The following DPH6 variants were observed in gnomAD, a reference collection of about 807,000 sequenced individuals.
DPH6 encodes the protein diphthine--ammonia ligase.
In DPH6, 33 loss-of-function variants were observed where a neutral mutation model predicts 38.2. The observed-to-expected ratio is 0.86, with a 90% CI of 0.65 to 1.15. The LOEUF (loss-of-function observed/expected upper bound fraction) is 1.15, where lower values mean the gene tolerates loss of function less well. Among genes scored for constraint, DPH6 ranks in the 50% most tolerant of loss-of-function variants. The pLI, the probability that DPH6 is intolerant of heterozygous loss-of-function variation, is 0.00. For synonymous variants in DPH6, 108 were observed against 103.0 expected (o/e 1.05, Z -0.30); for missense variants, 325 against 320.0 (o/e 1.02, Z -0.12).
At position 35,497,262 on chromosome 15, in the gene DPH6, T is replaced by C. The variant is rs190644470; in HGVS notation, c.312+41012A>G. On this transcript the variant is annotated intron_variant, in intron 3 of 8. Coordinates refer to ENST00000256538, the MANE Select transcript of DPH6 (RefSeq NM_080650.4). The stretch of plus-strand genomic sequence containing the variant: ...GTCATTGGGCCTGTCAAACAATAAG[T>C]AGTCAACAAATATTTGTTAAATAAA... 8.1e-4 allele frequency among the ~76,000 whole-genome samples: 123 copies of C among 152,290 alleles called. 1 individual carries two copies. The highest frequency in any genetic ancestry group is 2.8e-3 in the African/African-American group (115 of 41,568).
chr15:35,472,589 T>G (rs1001534831), intron 3 of DPH6, among the ~76,000 whole-genome samples: 7 of 151,766 alleles, frequency 4.6e-5, no homozygotes, highest in Non-Finnish European at 8.8e-5. Flanking sequence ...GGGCTAACAA[T>G]GAGTATGAAG....
intron 5 of DPH6, among the ~76,000 whole-genome samples, chr15:35,427,656 T>C (rs770193057): frequency 3.3e-5 from 5 of 151,748 alleles, no homozygotes; most frequent in Non-Finnish European, 5.9e-5. Context: ...CTATTAAACT[T>C]ATCTGGAAAT....
rs111360154 is a variant in DPH6 at position 35,454,827 on chromosome 15, A to T, written c.313-7T>A. 4.2e-5 allele frequency: 67 copies of T among 1,590,636 alleles called. No individual in the cohort carries two copies. The Middle Eastern group carries it at 8.4e-4, about 20-fold the overall frequency. ...CCTCTACTTCTTCTTTTTCCTGAAA[A>T]TAAAGAAAAAAACCATAACTTTAAA... is the stretch of plus-strand genomic sequence containing the variant. On this transcript the variant is annotated splice_polypyrimidine_tract_variant and splice_region_variant and intron_variant, in intron 3 of 8. Transcript: ENST00000256538.
chr15:35,243,047 CTCTCTAATTAGATG>C (rs1308641396), intron 3 of DPH6, among the ~76,000 whole-genome samples: 2 of 142,620 alleles, frequency 1.4e-5, no homozygotes, highest in Non-Finnish European at 3.1e-5. Flanking sequence ...TCCGTAGGCA[CTCTCTAATTAGATG>C]TCCTAGGTCC....
chr15:35,164,617 T>C, the DPH6 span, among the ~76,000 whole-genome samples: 1 of 151,900 alleles, frequency 6.6e-6, no homozygotes, highest in Admixed American at 6.6e-5. Context: ...TATAATAATA[T>C]AGCGTTTCTG....
At chr15:35,177,612 C>G in the DPH6 span, among the ~76,000 whole-genome samples, 1 of 140,646 alleles carries the variant, frequency 7.1e-6, no homozygotes, top group Admixed American at 7.5e-5. Context: ...TCATCATCAT[C>G]ATCATCATCA....
chr15:35,450,582 T>C, intron 5 of DPH6, 103 bp downstream of exon 5: 1 of 956,432 alleles, frequency 1.0e-6, no homozygotes, highest in Non-Finnish European at 1.6e-6. Context: ...CTCCACATTT[T>C]TATATTCTAA....
At position 35,242,798 on chromosome 15, in the gene DPH6, A is replaced by G. The variant is rs1181446511; in HGVS notation, n.201-22216T>C. On this transcript the variant is annotated intron_variant and non_coding_transcript_variant, in intron 3 of 3. Coordinates refer to the DPH6 transcript ENST00000560386. ...TTATTAGGCCCCAGTCTCATTCCAGACACCAGACCAACTTCGACTGTGCCC... is the reference window on the plus strand; with the variant it reads ...TTATTAGGCCCCAGTCTCATTCCAGGCACCAGACCAACTTCGACTGTGCCC... 2.1e-5 allele frequency among the ~76,000 whole-genome samples: 3 copies of G among 141,894 alleles called. 1 individual carries two copies. The Admixed American group carries it at 2.3e-4, about 11-fold the overall frequency. 93.1% of individuals were successfully genotyped at this position (141,894 alleles called of 152,430 possible).
intron 2 of DPH6, 123 bp from the exon 3 acceptor site, chr15:35,538,590 T>C: frequency 5.1e-6 from 4 of 779,812 alleles, no homozygotes; most frequent in East Asian, 2.8e-5. Context: ...CTATACTATG[T>C]TTCTCTGCAT....
At chr15:35,307,895 G>C (rs537705816) in intron 3 of DPH6, among the ~76,000 whole-genome samples, 2 of 152,244 alleles carry the variant, frequency 1.3e-5, no homozygotes, top group South Asian at 4.1e-4. Context: ...AAAATATATA[G>C]ATATGTGAAC....
the DPH6 span, among the ~76,000 whole-genome samples, chr15:35,200,842 A>G: frequency 1.3e-5 from 2 of 151,850 alleles, no homozygotes; most frequent in African/African-American, 2.4e-5. Flanking sequence ...CTTGGATAAC[A>G]TGATGATTGC....
chr15:35,370,121 T>A (rs188786419), downstream of DPH6, among the ~76,000 whole-genome samples: 6 of 151,818 alleles, frequency 4.0e-5, no homozygotes, highest in African/African-American at 1.4e-4. Flanking sequence ...CAAGAAATGG[T>A]GCTGGAACAA....
intron 1 of DPH6, among the ~76,000 whole-genome samples, chr15:35,545,725 A>T (rs1477393219): frequency 1.4e-5 from 2 of 145,744 alleles, no homozygotes; most frequent in African/African-American, 5.6e-5. Context: ...GAGTTGATGG[A>T]ATAAGGTAGT....
At position 35,460,399 on chromosome 15, in the gene DPH6, C is replaced by T. The variant is rs539218736; in HGVS notation, c.313-5579G>A. 7.9e-5 allele frequency among the ~76,000 whole-genome samples: 12 copies of T among 152,152 alleles called. 1 individual carries two copies. The South Asian group carries it at 1.0e-3, about 13-fold the overall frequency. ...AAAATAGAAATTAAAGATAATAATGCTAGTAACTGAGAACTTAGAGACAAA... is the reference window on the plus strand; with the variant it reads ...AAAATAGAAATTAAAGATAATAATGTTAGTAACTGAGAACTTAGAGACAAA... On this transcript the variant is annotated intron_variant, in intron 3 of 8. Transcript: ENST00000256538.
intron 3 of DPH6, among the ~76,000 whole-genome samples, chr15:35,358,017 G>A (rs1027341512): frequency 6.6e-5 from 10 of 152,236 alleles, no homozygotes; most frequent in East Asian, 1.9e-4. Context: ...TCAGGAACAC[G>A]AATTATTCTT....
rs1429842759 is a variant in DPH6 at position 35,243,494 on chromosome 15, AAAG to A, written n.201-22915_201-22913del. On this transcript the variant is annotated intron_variant and non_coding_transcript_variant, in intron 3 of 3. Transcript: ENST00000560386. ...GGCCTGAAGTAACTGAAGAATCACA[AAAG>A]AAGTGAAAAGGTCCTGCCCCGCCTT... 2.8e-5 allele frequency among the ~76,000 whole-genome samples: 4 copies of A among 144,360 alleles called. 1 individual carries two copies. The East Asian group carries it at 8.6e-4, about 31-fold the overall frequency. The allele number at this position is 144,360 out of a possible 152,430, so 94.7% of individuals were successfully genotyped here. A position where few individuals can be genotyped will look rare whatever the true frequency, so the allele number is the denominator to read the frequency against.
intron 3 of DPH6, among the ~76,000 whole-genome samples, chr15:35,500,186 T>C (rs1000490869): frequency 2.0e-5 from 3 of 152,194 alleles, no homozygotes; most frequent in South Asian, 2.1e-4. Context: ...ATAATCACTC[T>C]ATATAATATT....
chr15:35,376,062 G>A (rs1407125551), intron 7 of DPH6, among the ~76,000 whole-genome samples: 2 of 152,024 alleles, frequency 1.3e-5, no homozygotes, highest in Admixed American at 1.3e-4. Context: ...GACAGTACTA[G>A]TTTTCTCCGT....
intron 3 of DPH6, among the ~76,000 whole-genome samples, chr15:35,290,736 C>T (rs1271978456): frequency 2.0e-5 from 3 of 152,048 alleles, no homozygotes; most frequent in South Asian, 2.1e-4. Flanking sequence ...TTAAAGCATC[C>T]GCCCTTTGTG....
Sources: gnomAD v4.1 joint callset for allele counts (sites outside exome capture counted in the v4.1 genomes callset) on GRCh38, gnomAD v4.1.1 for gene constraint, MANE v1.5 for transcripts, NCBI Gene and HGNC (gene_info 2026-07-23, HGNC 2026-07-21) for gene names.